ABCA13: variants seen among roughly 807,000 people sequenced by gnomAD.
The protein encoded by ABCA13 is ATP binding cassette subfamily A member 13, also known as ATP-binding cassette sub-family A member 13.
Under a neutral mutation model 478.7 loss-of-function variants are expected in ABCA13, and 476 were observed. The ratio of observed to expected loss-of-function variants is 0.99; its 90% CI spans 0.92 to 1.07. The LOEUF is 1.07. Ranked by LOEUF, ABCA13 falls within the 50% of genes least tolerant of loss-of-function variation. The pLI is 0.00. For missense variants in ABCA13, 6,060 were observed against 5,910.6 expected (o/e 1.03, Z -0.83); for synonymous variants, 2,252 against 2,158.9 (o/e 1.04, Z -1.20).
At chr7:48,362,202 G>T (rs573646105) in intron 31 of ABCA13, among the ~76,000 whole-genome samples, 1 of 152,022 alleles carries the variant, frequency 6.6e-6, no homozygotes, top group African/African-American at 2.4e-5. Context: ...CTTAGACTGG[G>T]ATAGGTAAAT....
intron 1 of ABCA13, among the ~76,000 whole-genome samples, chr7:48,191,996 T>G (rs142131775): frequency 0.92 from 140,530 of 152,270 alleles, 65,621 homozygotes; most frequent in Non-Finnish European, 0.99. Context: ...TTAGGTTTTT[T>G]TTTGTGCATT....
intron 48 of ABCA13, among the ~76,000 whole-genome samples, chr7:48,505,443 A>G (rs1268302342): frequency 6.6e-6 from 1 of 152,214 alleles, no homozygotes; most frequent in African/African-American, 2.4e-5. Flanking sequence ...GAATTAAAAT[A>G]CAGGTGATAG....
At chr7:48,206,388 T>C (rs991215218) in intron 3 of ABCA13, among the ~76,000 whole-genome samples, 26 of 152,190 alleles carry the variant, frequency 1.7e-4, no homozygotes, top group African/African-American at 5.8e-4. Flanking sequence ...CTAAGAGCAA[T>C]AGGCTACACC....
chr7:48,276,199 C>A lies in ABCA13; in HGVS notation c.6533C>A (p.Ala2178Glu), dbSNP rs1880736. 1,074,110 of 1,585,248 alleles carry A rather than the reference C, an allele frequency of 0.68. 369,103 individuals carry two copies. Among genetic ancestry groups the A allele is most frequent in the East Asian group, 0.99 (43,538 of 44,018 alleles). ...GGCTCTTTAAAAAATATATCTAGAG[C>A]AGGCAATTTTGATGTTGCCTTTCTT... is the stretch of plus-strand genomic sequence containing the variant. Reference protein sequence around the residue: ...FWGSLKNISRAGNFDVAFLTH... With the variant: ...FWGSLKNISREGNFDVAFLTH... Residue 2178 changes from alanine to glutamate, a missense_variant, in exon 17 of 62, where the codon GCA becomes GAA. Coordinates refer to ENST00000435803, the MANE Select transcript of ABCA13 (RefSeq NM_152701.5).
intron 27 of ABCA13, among the ~76,000 whole-genome samples, chr7:48,331,369 G>T (rs986165901): frequency 6.6e-6 from 1 of 152,152 alleles, no homozygotes; most frequent in South Asian, 2.1e-4. Flanking sequence ...GGGATTATCA[G>T]CTCTGAGCCT....
chr7:48,604,404 G>C (rs1791249037), intron 58 of ABCA13, among the ~76,000 whole-genome samples: 1 of 152,128 alleles, frequency 6.6e-6, no homozygotes, highest in South Asian at 2.1e-4. Context: ...GGCTTTAAAT[G>C]TGTCCCAGAG....
At chr7:48,605,323 T>C (rs1213959792) in intron 58 of ABCA13, among the ~76,000 whole-genome samples, 1 of 152,194 alleles carries the variant, frequency 6.6e-6, no homozygotes, top group African/African-American at 2.4e-5. Context: ...CTTCATAGCA[T>C]CGATGGTCTT....
intron 26 of ABCA13, among the ~76,000 whole-genome samples, chr7:48,314,907 C>T (rs572424657): frequency 4.6e-5 from 7 of 152,054 alleles, no homozygotes; most frequent in Admixed American, 6.5e-5. Context: ...GAATATGTCA[C>T]GATAGGTACA....
intron 35 of ABCA13, among the ~76,000 whole-genome samples, chr7:48,383,088 G>A (rs559254639): frequency 6.6e-6 from 1 of 152,270 alleles, no homozygotes; most frequent in South Asian, 2.1e-4. Flanking sequence ...TGTACAAAAT[G>A]CTTAGTTATT....
intron 2 of ABCA13, among the ~76,000 whole-genome samples, chr7:48,197,496 C>T (rs577558703): frequency 5.3e-5 from 8 of 152,104 alleles, no homozygotes; most frequent in African/African-American, 1.4e-4. Flanking sequence ...GAGGAGGGCC[C>T]GGCTGCAGCA....
chr7:48,180,921 GAAAC>G (rs374297013), intron 1 of ABCA13, among the ~76,000 whole-genome samples: 4,596 of 151,902 alleles, frequency 0.03, 86 homozygotes, highest in Non-Finnish European at 0.032. Context: ...AAAAGGAAAT[GAAAC>G]AAACAAACAA....
chr7:48,537,239 T>A (rs1194091820), intron 55 of ABCA13, among the ~76,000 whole-genome samples: 1 of 152,212 alleles, frequency 6.6e-6, no homozygotes, highest in Non-Finnish European at 1.5e-5. Flanking sequence ...ACTTTTTGAT[T>A]TAAGTGTTTT....
In ABCA13 at chr7:48,644,657, G is replaced by C. The variant is rs1376416705; in HGVS notation, c.14984G>C (p.Arg4995Thr). Reference protein sequence around the residue: ...LNLLEYHVPKRWGCLADLFKV... With the variant: ...LNLLEYHVPKTWGCLADLFKV... ...TTATTAGAATATCATGTGCCAAAAAGATGGGGATGCCTAGCTGACTTGTTC... is the reference window on the plus strand; with the variant it reads ...TTATTAGAATATCATGTGCCAAAAACATGGGGATGCCTAGCTGACTTGTTC... Residue 4995 changes from arginine (R) to threonine (T), a missense_variant, in exon 61 of 62, where the codon AGA becomes ACA. Transcript: ENST00000435803. 4 of 1,598,440 alleles carry C rather than the reference G, an allele frequency of 2.5e-6. No homozygotes were observed. The highest frequency in any genetic ancestry group is 3.4e-6 in the Non-Finnish European group (4 of 1,173,816).
rs202160840 is a variant in ABCA13, at chr7:48,511,161, G to A, written c.13602G>A (p.Lys4534=). 6.2e-7 allele frequency: 1 copy of A among 1,613,456 alleles called. No individual in the cohort carries two copies. The highest frequency in any genetic ancestry group is 1.7e-5 in the Admixed American group (1 of 59,980). ...AFQLTAFTFR[K]NLAATALLLS... is the part of the protein sequence containing the mutation. The stretch of plus-strand genomic sequence containing the variant: ...AGTTAACAGCTTTTACTTTCCGCAA[G>A]AACTTGGCAGCCACGGCCCTCCTGC... The change falls in exon 51 of 62, where the codon AAG becomes AAA. Residue 4534 remains lysine, a synonymous_variant. Coordinates refer to ENST00000435803, the MANE Select transcript of ABCA13 (RefSeq NM_152701.5).
chr7:48,586,070 T>G, intron 56 of ABCA13, among the ~76,000 whole-genome samples: 1 of 152,154 alleles, frequency 6.6e-6, no homozygotes, highest in Non-Finnish European at 1.5e-5. Context: ...TTTTTTCTGA[T>G]GAGAGATATG....
intron 59 of ABCA13, among the ~76,000 whole-genome samples, chr7:48,637,631 C>T (rs1468965903): frequency 6.6e-6 from 1 of 152,044 alleles, no homozygotes; most frequent in East Asian, 1.9e-4. Context: ...ACCTCACCAC[C>T]TTGGAAACAA....
At chr7:48,515,223 C>T (rs1317619396) in intron 51 of ABCA13, among the ~76,000 whole-genome samples, 1 of 152,114 alleles carries the variant, frequency 6.6e-6, no homozygotes, top group Non-Finnish European at 1.5e-5. Flanking sequence ...ATACATTTAC[C>T]TTGAGTGAGC....
At chr7:48,309,136 A>G (rs1418135107) in intron 23 of ABCA13, among the ~76,000 whole-genome samples, 2 of 150,742 alleles carry the variant, frequency 1.3e-5, no homozygotes, top group Admixed American at 6.6e-5. Context: ...GTATTTTGGG[A>G]ACATTTTATG....
chr7:48,638,068 T>C (rs1174220988), intron 59 of ABCA13, among the ~76,000 whole-genome samples: 1 of 152,172 alleles, frequency 6.6e-6, no homozygotes, highest in Non-Finnish European at 1.5e-5. Flanking sequence ...GAATTAGTAC[T>C]GAATGGATGG....
Sources: gnomAD v4.1 joint callset for allele counts (sites outside exome capture counted in the v4.1 genomes callset) on GRCh38, gnomAD v4.1.1 for gene constraint, MANE v1.5 for transcripts, NCBI Gene and HGNC (gene_info 2026-07-23, HGNC 2026-07-21) for gene names.